Variants in ITGA2 observed in about 807,000 individuals in gnomAD.
ITGA2 encodes integrin alpha-2.
Under a neutral mutation model 146.3 loss-of-function variants are expected in ITGA2, and 101 were observed. The ratio of observed to expected loss-of-function variants is 0.69; its 90% CI spans 0.59 to 0.81. ITGA2 has a LOEUF of 0.81. Ranked by LOEUF, ITGA2 falls within the 40% of genes least tolerant of loss-of-function variation. The pLI, the probability that ITGA2 is intolerant of heterozygous loss-of-function variation, is 0.00. For synonymous variants in ITGA2, 477 were observed against 487.1 expected (o/e 0.98, Z 0.27); for missense variants, 1,281 against 1,402.7 (o/e 0.91, Z 1.39).
intron 2 of ITGA2, among the ~76,000 whole-genome samples, chr5:53,028,794 T>A (rs1447584595): frequency 6.6e-6 from 1 of 152,198 alleles, no homozygotes; most frequent in East Asian, 1.9e-4. Context: ...GCCAGTCCTG[T>A]TAATCCTATC....
intron 1 of ITGA2, among the ~76,000 whole-genome samples, chr5:53,006,710 A>G (rs1741873202): frequency 6.6e-6 from 1 of 152,226 alleles, no homozygotes; most frequent in African/African-American, 2.4e-5. Context: ...CATATTTATT[A>G]TAAAACAAGT....
At chr5:53,023,269 T>G (rs564372410) in intron 1 of ITGA2, among the ~76,000 whole-genome samples, 13 of 152,326 alleles carry the variant, frequency 8.5e-5, no homozygotes, top group Middle Eastern at 3.4e-3. Flanking sequence ...TTTTCACCAT[T>G]GCCGTACTCT....
At chr5:53,038,869 T>A (rs1743636395) in intron 2 of ITGA2, among the ~76,000 whole-genome samples, 1 of 152,122 alleles carries the variant, frequency 6.6e-6, no homozygotes, top group South Asian at 2.1e-4. Flanking sequence ...GGAGGGTGGA[T>A]CACTTGAAGT....
intron 9 of ITGA2, among the ~76,000 whole-genome samples, chr5:53,057,475 CA>C (rs907056508): frequency 3.9e-5 from 6 of 151,912 alleles, no homozygotes; most frequent in African/African-American, 1.4e-4. Context: ...AGAACCAGAA[CA>C]AACTTCCCAA....
At chr5:53,070,379 C>CTTAT in intron 17 of ITGA2, 119 bp downstream of exon 17, 1 of 868,048 alleles carries the variant, frequency 1.2e-6, no homozygotes, top group Non-Finnish European at 1.9e-6. Flanking sequence ...GAATGCCTTT[C>CTTAT]TTATGTAATT....
chr5:53,033,925 G>C (rs1319207110), intron 2 of ITGA2, among the ~76,000 whole-genome samples: 2 of 152,058 alleles, frequency 1.3e-5, no homozygotes, highest in East Asian at 1.9e-4. Flanking sequence ...CACCATGCCT[G>C]GCTAATTTTT....
intron 23 of ITGA2, among the ~76,000 whole-genome samples, chr5:53,076,550 G>C (rs1053533670): frequency 6.6e-6 from 1 of 151,812 alleles, no homozygotes; most frequent in Non-Finnish European, 1.5e-5. Context: ...ATAAGAAATT[G>C]GAAACAAATG....
chr5:53,081,057 C>G (rs1205499624), intron 25 of ITGA2, among the ~76,000 whole-genome samples: 1 of 152,126 alleles, frequency 6.6e-6, no homozygotes, highest in East Asian at 1.9e-4. Context: ...TAACAGTGCC[C>G]AGACCTAACC....
intron 2 of ITGA2, among the ~76,000 whole-genome samples, chr5:53,036,072 C>T (rs976073411): frequency 2.0e-5 from 3 of 152,042 alleles, no homozygotes; most frequent in Non-Finnish European, 4.4e-5. Context: ...TTCATTCATT[C>T]ATTCATTGAA....
intron 1 of ITGA2, among the ~76,000 whole-genome samples, chr5:52,992,042 C>T (rs954164618): frequency 6.6e-6 from 1 of 152,190 alleles, no homozygotes; most frequent in Non-Finnish European, 1.5e-5. Flanking sequence ...ATCCCTGAAA[C>T]CCTGCCCCAG....
intron 1 of ITGA2, among the ~76,000 whole-genome samples, chr5:53,013,374 C>CTTT: frequency 7.1e-6 from 1 of 141,364 alleles, no homozygotes; most frequent in East Asian, 2.0e-4. Flanking sequence ...CTATTTCTTT[C>CTTT]TTTTTTTTTT....
chr5:53,078,858 T>C lies in ITGA2; in HGVS notation c.2912T>C (p.Phe971Ser), dbSNP rs749526074. The change falls in exon 24 of 30, where the codon TTC becomes TCC. Residue 971 changes from phenylalanine to serine, a missense_variant. Phe to Ser is a radical substitution (Grantham distance 155). Around this residue, in one of 3 missense-constraint regions of ITGA2, gnomAD observed 475 missense variants for 530.5 expected, o/e 0.90. Transcript: ENST00000296585. ...AGTTTTGAAGATGTTGGTCCAAAATTCATCTTCTCCCTGAAGGTTGGTAAG... is the reference window on the plus strand; with the variant it reads ...AGTTTTGAAGATGTTGGTCCAAAATCCATCTTCTCCCTGAAGGTTGGTAAG... ...VHSFEDVGPK[F>S]IFSLKVTTGS... The C allele has an allele frequency of 4.4e-6, 7 of 1,601,386 alleles. No homozygotes were observed. The highest frequency in any genetic ancestry group is 1.1e-5 in the South Asian group (1 of 90,816).
At chr5:53,086,187 A>G (rs1470926205) in intron 27 of ITGA2, among the ~76,000 whole-genome samples, 1 of 152,200 alleles carries the variant, frequency 6.6e-6, no homozygotes, top group Non-Finnish European at 1.5e-5. Flanking sequence ...GATTACAGAT[A>G]GAAGCCACTG....
At chr5:53,071,320 C>A (rs1262953891) in intron 17 of ITGA2, among the ~76,000 whole-genome samples, 1 of 151,888 alleles carries the variant, frequency 6.6e-6, no homozygotes, top group Non-Finnish European at 1.5e-5. Flanking sequence ...ATTATACATG[C>A]AATCCCTAGT....
chr5:53,066,953 G>C (rs867652214), intron 15 of ITGA2, among the ~76,000 whole-genome samples, 165 bp from the exon 16 acceptor site: 10 of 151,844 alleles, frequency 6.6e-5, no homozygotes, highest in African/African-American at 2.2e-4. Flanking sequence ...AATTATCTCT[G>C]TCTGCCATCT....
At chr5:53,003,412 G>A (rs1717086319) in intron 1 of ITGA2, among the ~76,000 whole-genome samples, 1 of 152,132 alleles carries the variant, frequency 6.6e-6, no homozygotes, top group South Asian at 2.1e-4. Flanking sequence ...CTCTCATGGT[G>A]TCTTGGGTCA....
At position 53,073,173 on chromosome 5, in the gene ITGA2, C is replaced by T. The variant is rs41441846; in HGVS notation, c.2485C>T (p.Leu829=). ...CAAAAGGTTAACATTTTCAGTAACG[C>T]TGAAAAATAAAAGGGAAAGTGCATA... The part of the protein sequence containing the change: ...QNKRLTFSVT[L]KNKRESAYNT... Residue 829 remains leucine, a synonymous_variant, in exon 20 of 30, where the codon CTG becomes TTG. Transcript: ENST00000296585. 2 of 1,612,380 alleles carry T rather than the reference C, an allele frequency of 1.2e-6. No individual in the cohort carries two copies. Among genetic ancestry groups the T allele is most frequent in the Admixed American group, 1.7e-5 (1 of 59,862 alleles).
At chr5:52,990,716 AAG>A (rs1740908459) in intron 1 of ITGA2, among the ~76,000 whole-genome samples, 2 of 152,166 alleles carry the variant, frequency 1.3e-5, no homozygotes, top group East Asian at 1.9e-4. Context: ...GGTCAGAGAT[AAG>A]AGAGAAATAG....
At chr5:53,088,685 C>A (rs369582034) in intron 28 of ITGA2, among the ~76,000 whole-genome samples, 938 of 105,438 alleles carry the variant, frequency 8.9e-3, no homozygotes, top group African/African-American at 0.014. Flanking sequence ...GACTCTGTCT[C>A]AAAAAAAAAA....
Sources: gnomAD v4.1 joint callset for allele counts (sites outside exome capture counted in the v4.1 genomes callset) on GRCh38, gnomAD v4.1.1 for gene constraint, gnomAD v4.1.1 regional missense constraint, MANE v1.5 for transcripts, NCBI Gene and HGNC (gene_info 2026-07-23, HGNC 2026-07-21) for gene names.